The following BIRC6 variants were observed in gnomAD, a reference collection of about 807,000 sequenced individuals.
The protein encoded by BIRC6 is baculoviral IAP repeat containing 6, also known as dual E2 ubiquitin-conjugating enzyme/E3 ubiquitin-protein ligase BIRC6.
Under a neutral mutation model 503.3 loss-of-function variants are expected in BIRC6, and 98 were observed. The ratio of observed to expected loss-of-function variants is 0.19; its 90% CI spans 0.17 to 0.23. BIRC6 has a LOEUF of 0.23. BIRC6 is among the 10% of genes least tolerant of loss of function. The pLI is 1.00. For synonymous variants in BIRC6, 2,240 were observed against 2,078.7 expected, an observed-to-expected ratio of 1.08 and a Z score of -2.11; for missense variants, 5,360 against 5,806.0, an observed-to-expected ratio of 0.92 and a Z score of 2.50.
At chr2:32,486,722 G>A (rs1357414581) in intron 40 of BIRC6, among the ~76,000 whole-genome samples, 1 of 152,114 alleles carries the variant, frequency 6.6e-6, no homozygotes, top group East Asian at 1.9e-4. Flanking sequence ...ATGTTAAATT[G>A]AATTCTTTCA....
chr2:32,471,090 A>C lies in BIRC6; in HGVS notation c.6558A>C (p.Glu2186Asp), dbSNP rs1347463761. The C allele has an allele frequency of 6.3e-7, 1 of 1,580,432 alleles. No individual in the cohort carries two copies. The highest frequency in any genetic ancestry group is 2.3e-5 in the East Asian group (1 of 43,992). ...TGCTGGATTATGTGGCAACTGTTGA[A>C]GATGAAGCAGCAGCTGCAAAGAAAC... is the stretch of plus-strand genomic sequence containing the variant. ...SRLLDYVATV[E>D]DEAAAAKKPL... The change falls in exon 32 of 74, where the codon GAA becomes GAC. Residue 2186 changes from glutamate to aspartate, a missense_variant. Glu to Asp is a conservative substitution (Grantham distance 45). Transcript: ENST00000421745.
chr2:32,509,184 T>C (rs190507464), intron 51 of BIRC6, among the ~76,000 whole-genome samples: 120 of 152,328 alleles, frequency 7.9e-4, no homozygotes, highest in East Asian at 5.8e-4. Context: ...AGAAAGTTTC[T>C]GGATGATTGC....
Position 32,595,156 on chromosome 2 carries a change from T to A in BIRC6, c.13612+12T>A, listed in dbSNP as rs2061601329. On this transcript the variant is annotated intron_variant, in intron 68 of 73. Transcript: ENST00000421745. The stretch of plus-strand genomic sequence containing the variant: ...GAAATTACAGTTTGGTAAGATGAAA[T>A]TTTTGATTTGCTTAAGATCTCACTT... The A allele has an allele frequency of 6.6e-7, 1 of 1,515,334 alleles. No individual in the cohort carries two copies. The highest frequency in any genetic ancestry group is 9.0e-7 in the Non-Finnish European group (1 of 1,114,002). The allele number at this position is 1,515,334 out of a possible 1,614,324, so 93.9% of individuals were successfully genotyped here.
In BIRC6 at chr2:32,488,693, C is replaced by T. The variant is rs1283483606; in HGVS notation, c.8074C>T (p.Pro2692Ser). 7.0e-7 allele frequency: 1 copy of T among 1,424,030 alleles called. No homozygotes were observed. The highest frequency in any genetic ancestry group is 1.3e-5 in the South Asian group (1 of 76,156). The allele number at this position is 1,424,030 out of a possible 1,614,324, so 88.2% of individuals were successfully genotyped here. ...ATTTTTATATAATGCTAATAGGATA[C>T]CTGTTATTTCATTAAATCAAGGTAA... ...DIFLYNANRIPVISLNQASIT... is the reference protein window; with the variant it reads ...DIFLYNANRISVISLNQASIT... The change falls in exon 42 of 74, where the codon CCT (proline) becomes TCT (serine). Residue 2692 changes from proline to serine, a missense_variant. Transcript: ENST00000421745.
chr2:32,529,021 C>G (rs1021742670), intron 59 of BIRC6: 1 of 152,178 alleles, frequency 6.6e-6, no homozygotes, highest in South Asian at 2.1e-4. Flanking sequence ...TACCCATCCT[C>G]TATTTTATCA....
chr2:32,374,709 T>A (rs1468672533), intron 1 of BIRC6, among the ~76,000 whole-genome samples: 2 of 152,020 alleles, frequency 1.3e-5, no homozygotes, highest in Non-Finnish European at 2.9e-5. Context: ...CCTGACCTTG[T>A]GATCCACCTG....
At chr2:32,489,884 T>G (rs1351922756) in intron 42 of BIRC6, among the ~76,000 whole-genome samples, 157 bp from the exon 43 acceptor site, 2 of 152,228 alleles carry the variant, frequency 1.3e-5, no homozygotes, top group Non-Finnish European at 2.9e-5. Flanking sequence ...TTAGTTGTAT[T>G]TAATGGAGAA....
intron 54 of BIRC6, among the ~76,000 whole-genome samples, chr2:32,513,951 G>A (rs1572732269): frequency 6.6e-6 from 1 of 151,668 alleles, no homozygotes; most frequent in African/African-American, 2.4e-5. Flanking sequence ...TGCACCTGTC[G>A]TTCCAGCTAC....
rs545493240 is a variant in BIRC6 at position 32,443,316 on chromosome 2, C to G, written c.4239-175C>G. On this transcript the variant is annotated intron_variant, in intron 19 of 73. Coordinates refer to ENST00000421745, the MANE Select transcript of BIRC6 (RefSeq NM_016252.4). ...TGCATAAGAAAATATTTACAACCCTCCTTAGTATAATCAGTTCCCGCTATC... is the reference window on the plus strand; with the variant it reads ...TGCATAAGAAAATATTTACAACCCTGCTTAGTATAATCAGTTCCCGCTATC... 20 of 543,560 alleles carry G rather than the reference C, an allele frequency of 3.7e-5. No individual in the cohort carries two copies. In the South Asian group the frequency reaches 5.1e-4, roughly 14 times the overall value. 33.7% of individuals were successfully genotyped at this position (543,560 alleles called of 1,614,324 possible). A position where few individuals can be genotyped will look rare whatever the true frequency, so the allele number is the denominator to read the frequency against.
intron 37 of BIRC6, among the ~76,000 whole-genome samples, 158 bp from the exon 38 acceptor site, chr2:32,481,162 A>T (rs1363897617): frequency 6.6e-6 from 1 of 151,770 alleles, no homozygotes; most frequent in African/African-American, 2.4e-5. Context: ...CTTTGTTTTT[A>T]TCGTGTATTA....
intron 73 of BIRC6, among the ~76,000 whole-genome samples, chr2:32,616,964 T>G (rs951620174): frequency 6.6e-6 from 1 of 152,088 alleles, no homozygotes; most frequent in African/African-American, 2.4e-5. Context: ...GGCATGGTGC[T>G]TCATTCCTGT....
At chr2:32,445,243 A>G (rs1378066260) in intron 20 of BIRC6, among the ~76,000 whole-genome samples, 1 of 152,252 alleles carries the variant, frequency 6.6e-6, no homozygotes, top group African/African-American at 2.4e-5. Flanking sequence ...CTAAATAAAT[A>G]CACATTATTA....
Position 32,491,565 on chromosome 2 carries a change from T to A in BIRC6, c.8340+7T>A, listed in dbSNP as rs770867364. 6.2e-7 allele frequency: 1 copy of A among 1,612,072 alleles called. No individual in the cohort carries two copies. Among genetic ancestry groups the A allele is most frequent in the Non-Finnish European group, 8.5e-7 (1 of 1,179,258 alleles). On this transcript the variant is annotated splice_region_variant and intron_variant, in intron 44 of 73. Transcript: ENST00000421745. Reference sequence around the variant, plus strand: ...AAATCAACACAGTCCACAGGTAATATGATGTTTAGCCTGGCATATGCCCAG... The same window carrying A: ...AAATCAACACAGTCCACAGGTAATAAGATGTTTAGCCTGGCATATGCCCAG...
At chr2:32,535,967 GTTGTT>G (rs2057200054) in intron 61 of BIRC6, among the ~76,000 whole-genome samples, 1 of 152,172 alleles carries the variant, frequency 6.6e-6, no homozygotes, top group Admixed American at 6.5e-5. Context: ...TCCAGCACCT[GTTGTT>G]TCCTGACTTT....
chr2:32,543,468 G>C lies in BIRC6; in HGVS notation c.12519G>C (p.Val4173=). 6.2e-7 allele frequency: 1 copy of C among 1,614,040 alleles called. No individual in the cohort carries two copies. Among genetic ancestry groups the C allele is most frequent in the Non-Finnish European group, 8.5e-7 (1 of 1,179,874 alleles). Reference sequence around the variant, plus strand: ...TTCGTCTTCCGGGCTATGCGGAAGTGCTACTGAAAGAGAGAAAACATGCCC... The same window carrying C: ...TTCGTCTTCCGGGCTATGCGGAAGTCCTACTGAAAGAGAGAAAACATGCCC... ...LFLRLPGYAE[V]LLKERKHAQC... Residue 4173 remains valine (V), a synonymous_variant, in exon 62 of 74, where the codon GTG becomes GTC. Coordinates refer to ENST00000421745, the MANE Select transcript of BIRC6 (RefSeq NM_016252.4).
At chr2:32,425,865 C>T (rs1309842189) in intron 10 of BIRC6, among the ~76,000 whole-genome samples, 1 of 152,216 alleles carries the variant, frequency 6.6e-6, no homozygotes, top group Non-Finnish European at 1.5e-5. Flanking sequence ...GAGAAGGTCC[C>T]TCCTGTCCGC....
chr2:32,537,346 G>A (rs1460309350), intron 61 of BIRC6, among the ~76,000 whole-genome samples: 1 of 152,022 alleles, frequency 6.6e-6, no homozygotes, highest in African/African-American at 2.4e-5. Flanking sequence ...TTCCAAAATT[G>A]ACCACATAGT....
At chr2:32,572,580 A>G (rs1255425329) in intron 65 of BIRC6, among the ~76,000 whole-genome samples, 1 of 152,178 alleles carries the variant, frequency 6.6e-6, no homozygotes, top group East Asian at 1.9e-4. Flanking sequence ...AAGTACTGAC[A>G]TTGTGTTTTA....
chr2:32,533,300 T>C lies in BIRC6; in HGVS notation c.12291+1749T>C, dbSNP rs114973169. Among the ~76,000 whole-genome samples the C allele has an allele frequency of 2.3e-3, 358 of 152,356 alleles. 1 individual carries two copies. The highest frequency in any genetic ancestry group is 3.1e-3 in the Non-Finnish European group (214 of 68,032). On this transcript the variant is annotated intron_variant, in intron 61 of 73. Coordinates refer to ENST00000421745, the MANE Select transcript of BIRC6 (RefSeq NM_016252.4). ...ACTTCTGCTGTAATGAACTTGGATGTAATGAACTTACATGTAATGAACATG... is the reference window on the plus strand; with the variant it reads ...ACTTCTGCTGTAATGAACTTGGATGCAATGAACTTACATGTAATGAACATG...
Sources: allele counts gnomAD v4.1 joint callset (sites outside exome capture counted in the v4.1 genomes callset), GRCh38; gene constraint gnomAD v4.1.1; transcripts MANE v1.5; gene names NCBI Gene and HGNC (gene_info 2026-07-23, HGNC 2026-07-21).